The following CNTN4 variants were observed in gnomAD, a reference collection of about 807,000 sequenced individuals.
CNTN4 encodes contactin-4.
A neutral mutation model predicts 122.5 loss-of-function variants in CNTN4; 77 were observed. The ratio of observed to expected loss-of-function variants is 0.63; its 90% CI spans 0.52 to 0.76. CNTN4 has a LOEUF of 0.76. CNTN4 is among the 30% of genes least tolerant of loss of function. CNTN4 has a pLI of 0.00. For synonymous variants in CNTN4, 512 were observed against 447.0 expected (o/e 1.15, Z -1.83); for missense variants, 1,256 against 1,259.1 (o/e 1.00, Z 0.04).
chr3:2,339,597 A>T (rs917101481), intron 3 of CNTN4, among the ~76,000 whole-genome samples: 1 of 152,226 alleles, frequency 6.6e-6, no homozygotes, highest in African/African-American at 2.4e-5. Flanking sequence ...TTAGCAGTCA[A>T]ACCAACACAA....
At chr3:2,783,472 A>G (rs574779437) in intron 6 of CNTN4, among the ~76,000 whole-genome samples, 1 of 152,292 alleles carries the variant, frequency 6.6e-6, no homozygotes, top group Admixed American at 6.5e-5. Flanking sequence ...TCATTGGATT[A>G]TCACTGGGAT....
At chr3:3,005,866 T>C (rs1278957892) in intron 14 of CNTN4, among the ~76,000 whole-genome samples, 2 of 150,798 alleles carry the variant, frequency 1.3e-5, no homozygotes, top group Non-Finnish European at 2.9e-5. Flanking sequence ...AATTGCACTC[T>C]ATCTCAGCAC....
chr3:2,121,247 C>T (rs1255390302), intron 2 of CNTN4, among the ~76,000 whole-genome samples: 1 of 152,134 alleles, frequency 6.6e-6, no homozygotes, highest in Non-Finnish European at 1.5e-5. Flanking sequence ...GCCGTGTAAT[C>T]CCAGCACTCT....
intron 13 of CNTN4, among the ~76,000 whole-genome samples, chr3:2,976,002 T>C (rs1162320862): frequency 6.6e-6 from 1 of 152,216 alleles, no homozygotes; most frequent in Non-Finnish European, 1.5e-5. Flanking sequence ...CAATGAAATA[T>C]AGCAATTTAA....
chr3:2,364,672 A>G (rs114136848), intron 3 of CNTN4, among the ~76,000 whole-genome samples: 3 of 152,112 alleles, frequency 2.0e-5, no homozygotes, highest in Non-Finnish European at 2.9e-5. Context: ...TATTGCACTG[A>G]GTTGGGAAAT....
chr3:2,501,390 A>G (rs774520323), intron 3 of CNTN4, among the ~76,000 whole-genome samples: 17 of 152,182 alleles, frequency 1.1e-4, no homozygotes, highest in African/African-American at 2.2e-4. Flanking sequence ...TATTAATATC[A>G]CAAATTTCAT....
intron 7 of CNTN4, among the ~76,000 whole-genome samples, chr3:2,833,770 G>C (rs1271262877): frequency 1.3e-5 from 2 of 152,242 alleles, no homozygotes; most frequent in South Asian, 4.1e-4. Flanking sequence ...ACTTTACTTG[G>C]GTTCAGCATA....
In CNTN4 at chr3:2,571,543, A is replaced by G. The variant is rs758593322; in HGVS notation, c.40A>G (p.Ile14Val). Reference sequence around the variant, plus strand: ...GGAACTGCTGGTACTGCAATCATTCATTTTGTGCCTTGCAGGTAGAGTGTC... The same window carrying G: ...GGAACTGCTGGTACTGCAATCATTCGTTTTGTGCCTTGCAGGTAGAGTGTC... ...PWELLVLQSF[I>V]LCLADDSTLH... Residue 14 changes from isoleucine (I) to valine (V), a missense_variant, in exon 4 of 25, where the codon ATT becomes GTT. Transcript: ENST00000418658. 1 of 1,613,610 alleles carries G rather than the reference A, an allele frequency of 6.2e-7. No homozygotes were observed. The highest frequency in any genetic ancestry group is 1.3e-5 in the African/African-American group (1 of 75,048).
chr3:2,736,166 C>A (rs1354511531), intron 4 of CNTN4, 49 bp from the exon 5 acceptor site: 2 of 1,586,528 alleles, frequency 1.3e-6, no homozygotes, highest in Non-Finnish European at 1.7e-6. Flanking sequence ...GTTGTTGTTC[C>A]TATTTGGAAG....
At chr3:2,895,464 C>T (rs917059484) in intron 10 of CNTN4, among the ~76,000 whole-genome samples, 4 of 152,170 alleles carry the variant, frequency 2.6e-5, no homozygotes, top group Non-Finnish European at 5.9e-5. Context: ...AATATGCCAG[C>T]TTTGAGTTGC....
intron 2 of CNTN4, among the ~76,000 whole-genome samples, chr3:2,211,095 G>C (rs2038596129): frequency 6.6e-6 from 1 of 152,194 alleles, no homozygotes; most frequent in East Asian, 1.9e-4. Context: ...CATGGTACCA[G>C]CATCTGCTCC....
At chr3:2,602,068 A>G (rs1043469978) in intron 4 of CNTN4, among the ~76,000 whole-genome samples, 1 of 152,170 alleles carries the variant, frequency 6.6e-6, no homozygotes, top group African/African-American at 2.4e-5. Flanking sequence ...ACTCTCAATA[A>G]ACTAGGTATT....
At chr3:2,135,665 G>T (rs1574912349) in intron 2 of CNTN4, among the ~76,000 whole-genome samples, 1 of 151,702 alleles carries the variant, frequency 6.6e-6, no homozygotes, top group East Asian at 1.9e-4. Flanking sequence ...AATGGGGCTG[G>T]TCAATGCAGA....
chr3:2,202,798 T>C (rs1394875713), intron 2 of CNTN4, among the ~76,000 whole-genome samples: 1 of 151,974 alleles, frequency 6.6e-6, no homozygotes, highest in Admixed American at 6.6e-5. Context: ...AACCGGAGAA[T>C]TGCCATGTGT....
chr3:2,702,357 C>T (rs979878194), intron 4 of CNTN4, among the ~76,000 whole-genome samples: 2 of 152,122 alleles, frequency 1.3e-5, no homozygotes, highest in Non-Finnish European at 2.9e-5. Context: ...TGCAAGTATC[C>T]GTATGGATAA....
At chr3:2,820,961 C>CTTTTTTTTTTTTTTTTTTTTTT (rs67731967) in intron 7 of CNTN4, among the ~76,000 whole-genome samples, 2 of 107,578 alleles carry the variant, frequency 1.9e-5, no homozygotes, top group African/African-American at 7.6e-5. Context: ...TTTTCTCTTT[C>CTTTTTTTTTTTTTTTTTTTTTT]TTTTTTTTTT....
At chr3:2,468,277 G>A (rs960112494) in intron 3 of CNTN4, among the ~76,000 whole-genome samples, 2 of 152,108 alleles carry the variant, frequency 1.3e-5, no homozygotes, top group South Asian at 2.1e-4. Flanking sequence ...GGTGTTCATG[G>A]AGGATTTTCA....
At chr3:2,438,295 G>T (rs1019527838) in intron 3 of CNTN4, among the ~76,000 whole-genome samples, 1 of 152,136 alleles carries the variant, frequency 6.6e-6, no homozygotes, top group Non-Finnish European at 1.5e-5. Flanking sequence ...CGAGGCAGGC[G>T]GATCACCTGA....
rs575139812 is a variant in CNTN4 at position 2,283,626 on chromosome 3, T to C, written c.-144-55552T>C. ...TTTAAACTTGTTTTGGAAGGATACA[T>C]AGGAGTTCTCCATAGTGTGGATAAT... On this transcript the variant is annotated intron_variant, in intron 2 of 24. Transcript: ENST00000418658. Among the ~76,000 whole-genome samples the C allele has an allele frequency of 6.5e-4, 99 of 152,236 alleles. 2 individuals carry two copies. Among genetic ancestry groups the C allele is most frequent in the African/African-American group, 2.3e-3 (95 of 41,552 alleles).
Sources: gnomAD v4.1 joint callset for allele counts (sites outside exome capture counted in the v4.1 genomes callset) on GRCh38, gnomAD v4.1.1 for gene constraint, MANE v1.5 for transcripts, NCBI Gene and HGNC (gene_info 2026-07-23, HGNC 2026-07-21) for gene names.